The following MEGF11 variants were observed in gnomAD, a reference collection of about 807,000 sequenced individuals.
The protein encoded by MEGF11 is multiple epidermal growth factor-like domains protein 11.
MEGF11 carries 126 observed loss-of-function variants against 146.6 expected under a neutral mutation model. That is an observed-to-expected ratio of 0.86 (90% CI 0.74 to 1.00). The LOEUF is 1.00. Ranked by LOEUF, MEGF11 falls within the 50% of genes least tolerant of loss-of-function variation. The probability of loss-of-function intolerance (pLI) is 0.00; values close to 1 mark genes in which losing one functional copy is unlikely to be tolerated. For synonymous variants in MEGF11, 532 were observed against 583.4 expected, an observed-to-expected ratio of 0.91 and a Z score of 1.27; for missense variants, 1,509 against 1,521.2, an observed-to-expected ratio of 0.99 and a Z score of 0.13.
intron 4 of MEGF11, among the ~76,000 whole-genome samples, chr15:66,112,232 T>C (rs1232765180): frequency 6.6e-6 from 1 of 151,848 alleles, no homozygotes; most frequent in Non-Finnish European, 1.5e-5. Flanking sequence ...ATAAAAGAAA[T>C]ATGTTTAAAA....
chr15:66,077,465 G>A (rs113095863), intron 5 of MEGF11, among the ~76,000 whole-genome samples: 56 of 152,334 alleles, frequency 3.7e-4, no homozygotes, highest in African/African-American at 1.1e-3. Flanking sequence ...GGAAGATCAC[G>A]TGATATGGCT....
At chr15:66,210,463 C>T (rs1011332998) in intron 1 of MEGF11, among the ~76,000 whole-genome samples, 6 of 152,104 alleles carry the variant, frequency 3.9e-5, no homozygotes, top group African/African-American at 1.4e-4. Context: ...ACCAGAGGAA[C>T]AAAGTTTGAT....
rs151163829 is a variant in MEGF11 at position 66,122,069 on chromosome 15, C to T, written c.200+1830G>A. On this transcript the variant is annotated intron_variant, in intron 3 of 25. Transcript: ENST00000395614. ...CACGAGGTCAGGAGTTCGAGACCAG[C>T]CTGGCCAATATGGCGAAACCCCATC... Among the ~76,000 whole-genome samples, 85 of 152,168 alleles carry T rather than the reference C, an allele frequency of 5.6e-4. 1 individual carries two copies. The highest frequency in any genetic ancestry group is 1.0e-3 in the Admixed American group (16 of 15,288).
intron 7 of MEGF11, among the ~76,000 whole-genome samples, chr15:65,974,965 C>A (rs1255303123): frequency 6.6e-6 from 1 of 152,052 alleles, no homozygotes; most frequent in East Asian, 1.9e-4. Flanking sequence ...CCCATCTCAG[C>A]CTCCTGAGTA....
At chr15:66,107,069 A>C (rs2087126243) in intron 4 of MEGF11, among the ~76,000 whole-genome samples, 1 of 132,660 alleles carries the variant, frequency 7.5e-6, no homozygotes, top group African/African-American at 2.8e-5. Flanking sequence ...CCCACCAGGT[A>C]TAGACAGGGA....
chr15:66,105,572 G>C (rs1356258494), intron 4 of MEGF11, among the ~76,000 whole-genome samples: 1 of 152,210 alleles, frequency 6.6e-6, no homozygotes, highest in Non-Finnish European at 1.5e-5. Context: ...CAAAAGGTCT[G>C]TCTGGTGACT....
chr15:66,007,609 G>C (rs2082557958), intron 5 of MEGF11, among the ~76,000 whole-genome samples: 1 of 152,156 alleles, frequency 6.6e-6, no homozygotes, highest in African/African-American at 2.4e-5. Flanking sequence ...AATTAGCCAA[G>C]CATGGTGGTA....
chr15:65,963,121 C>T (rs78850361), intron 9 of MEGF11, among the ~76,000 whole-genome samples: 9,305 of 152,256 alleles, frequency 0.061, 420 homozygotes, highest in Non-Finnish European at 0.092. Flanking sequence ...CATTGGACCC[C>T]GGCATCAGCC....
At chr15:66,053,591 C>T (rs533536128) in intron 5 of MEGF11, among the ~76,000 whole-genome samples, 141 of 152,170 alleles carry the variant, frequency 9.3e-4, no homozygotes, top group Non-Finnish European at 1.7e-3. Context: ...AGTTGCCACC[C>T]TCAGGGCCCA....
At chr15:66,192,706 G>A (rs1296229979) in intron 1 of MEGF11, among the ~76,000 whole-genome samples, 1 of 152,098 alleles carries the variant, frequency 6.6e-6, no homozygotes, top group Non-Finnish European at 1.5e-5. Flanking sequence ...AGGCTTCTCA[G>A]CCTTCCCATA....
chr15:66,202,458 G>A (rs1231638571), intron 1 of MEGF11, among the ~76,000 whole-genome samples: 1 of 152,190 alleles, frequency 6.6e-6, no homozygotes, highest in African/African-American at 2.4e-5. Flanking sequence ...ATGAGGAGTG[G>A]GCAGCACTCC....
rs1046557241 is a variant in MEGF11 at position 66,059,085 on chromosome 15, C to T, written c.394+35317G>A. On this transcript the variant is annotated intron_variant, in intron 5 of 25. Transcript: ENST00000395614. Reference sequence around the variant, plus strand: ...AGTGACTGTTGAATATTTGGAACATCCCCCCTAGTTACCCTGGAGGAGCCT... The same window carrying T: ...AGTGACTGTTGAATATTTGGAACATTCCCCCTAGTTACCCTGGAGGAGCCT... Among the ~76,000 whole-genome samples the T allele has an allele frequency of 2.0e-5, 3 of 152,280 alleles. No individual in the cohort carries two copies. The East Asian group carries it at 5.8e-4, about 29-fold the overall frequency.
At chr15:65,932,070 A>C (rs1281328896) in intron 10 of MEGF11, among the ~76,000 whole-genome samples, 1 of 152,204 alleles carries the variant, frequency 6.6e-6, no homozygotes, top group African/African-American at 2.4e-5. Flanking sequence ...AATAATCCCG[A>C]TGAGAATAAT....
chr15:66,131,218 G>A (rs2088632551), intron 1 of MEGF11, among the ~76,000 whole-genome samples: 1 of 152,252 alleles, frequency 6.6e-6, no homozygotes, highest in African/African-American at 2.4e-5. Context: ...AAAGTGCCCA[G>A]GAGGCGTACC....
intron 24 of MEGF11, among the ~76,000 whole-genome samples, chr15:65,901,027 G>T (rs910233052): frequency 1.3e-5 from 2 of 152,202 alleles, no homozygotes; most frequent in Non-Finnish European, 2.9e-5. Flanking sequence ...ATGTCGACAA[G>T]GATGGCACAT....
At chr15:65,984,021 A>G (rs2081756212) in intron 5 of MEGF11, among the ~76,000 whole-genome samples, 1 of 152,162 alleles carries the variant, frequency 6.6e-6, no homozygotes, top group Non-Finnish European at 1.5e-5. Context: ...CCTGCCTATC[A>G]TCCTGTAGCA....
intron 5 of MEGF11, among the ~76,000 whole-genome samples, chr15:66,084,215 T>C (rs1163930188): frequency 6.6e-6 from 1 of 152,124 alleles, no homozygotes; most frequent in African/African-American, 2.4e-5. Context: ...TGACGGTATC[T>C]AATAAGTGGT....
At chr15:66,100,972 G>A (rs1028616556) in intron 4 of MEGF11, among the ~76,000 whole-genome samples, 1 of 147,542 alleles carries the variant, frequency 6.8e-6, no homozygotes, top group African/African-American at 2.5e-5. Flanking sequence ...GAACAGGCGG[G>A]TGAGTGAGCC....
intron 5 of MEGF11, among the ~76,000 whole-genome samples, chr15:66,090,062 C>G (rs897769801): frequency 1.3e-5 from 2 of 152,210 alleles, no homozygotes; most frequent in Non-Finnish European, 2.9e-5. Context: ...AGCATCATCT[C>G]TCTTCCTTTA....
Sources: allele counts gnomAD v4.1 joint callset (sites outside exome capture counted in the v4.1 genomes callset), GRCh38; gene constraint gnomAD v4.1.1; transcripts MANE v1.5; gene names NCBI Gene and HGNC (gene_info 2026-07-23, HGNC 2026-07-21).